Variants in DLGAP2 observed in about 807,000 individuals in gnomAD.
DLGAP2 encodes disks large-associated protein 2.
A neutral mutation model predicts 100.3 loss-of-function variants in DLGAP2; 26 were observed. The ratio of observed to expected loss-of-function variants is 0.26; its 90% CI spans 0.19 to 0.36. The LOEUF (loss-of-function observed/expected upper bound fraction) is 0.36. Ranked by LOEUF, DLGAP2 falls within the 10% of genes least tolerant of loss-of-function variation. The pLI, the probability that DLGAP2 is intolerant of heterozygous loss-of-function variation, is 1.00. For synonymous variants in DLGAP2, 886 were observed against 630.1 expected (o/e 1.41, Z -6.08); for missense variants, 1,858 against 1,453.2 (o/e 1.28, Z -4.53).
chr8:785,411 G>A (rs1293121361), intron 1 of DLGAP2, among the ~76,000 whole-genome samples: 1 of 148,542 alleles, frequency 6.7e-6, no homozygotes, highest in African/African-American at 2.5e-5. Flanking sequence ...CCTCCCCTCA[G>A]GTCTCTCTGA....
At chr8:968,015 C>T (rs1409585452) in intron 2 of DLGAP2, among the ~76,000 whole-genome samples, 1 of 151,202 alleles carries the variant, frequency 6.6e-6, no homozygotes, top group East Asian at 2.0e-4. Context: ...TGCACTCACA[C>T]ACGTGCTCAT....
At chr8:1,273,883 T>C (rs1462202779) in intron 3 of DLGAP2, among the ~76,000 whole-genome samples, 1 of 152,220 alleles carries the variant, frequency 6.6e-6, no homozygotes, top group African/African-American at 2.4e-5. Flanking sequence ...TTATGGACTT[T>C]AATATCTTCA....
chr8:1,488,210 A>AC (rs928086647), intron 3 of DLGAP2, among the ~76,000 whole-genome samples: 11 of 151,444 alleles, frequency 7.3e-5, no homozygotes, highest in Admixed American at 5.9e-4. Context: ...ACAGTCCTCC[A>AC]CCCCCCTGCA....
intron 2 of DLGAP2, among the ~76,000 whole-genome samples, chr8:1,147,995 T>G (rs1338253810): frequency 6.6e-6 from 1 of 152,226 alleles, no homozygotes; most frequent in Non-Finnish European, 1.5e-5. Flanking sequence ...AAGACAAGTT[T>G]GAGAAGTGTT....
At chr8:1,353,345 C>G (rs968724326) in intron 3 of DLGAP2, among the ~76,000 whole-genome samples, 1 of 152,222 alleles carries the variant, frequency 6.6e-6, no homozygotes. Context: ...GAAAGTAATG[C>G]ACATTCATTA....
chr8:1,377,185 T>C (rs1240888977), intron 3 of DLGAP2, among the ~76,000 whole-genome samples: 2 of 151,942 alleles, frequency 1.3e-5, no homozygotes, highest in Non-Finnish European at 2.9e-5. Context: ...TCCAGGTCAG[T>C]GGTGTGCAGC....
intron 1 of DLGAP2, among the ~76,000 whole-genome samples, chr8:801,714 C>G (rs1348745086): frequency 4.6e-5 from 7 of 152,142 alleles, no homozygotes; most frequent in African/African-American, 1.7e-4. Flanking sequence ...TGCCTTCCCA[C>G]TCTCCAGCAA....
chr8:1,298,187 C>T (rs1381984626), intron 3 of DLGAP2, among the ~76,000 whole-genome samples: 7 of 152,202 alleles, frequency 4.6e-5, no homozygotes, highest in Middle Eastern at 3.4e-3. Context: ...ATGTGGCGTG[C>T]ATGAACGGAC....
intron 2 of DLGAP2, among the ~76,000 whole-genome samples, chr8:1,075,251 G>T (rs1296391967): frequency 2.0e-5 from 3 of 152,182 alleles, no homozygotes; most frequent in Non-Finnish European, 4.4e-5. Flanking sequence ...TTTCGAGTTA[G>T]GACCCTCTTG....
rs368917064 is a variant in DLGAP2 at position 1,213,698 on chromosome 8, A to G, written c.74-45153A>G. On this transcript the variant is annotated intron_variant, in intron 2 of 14. Coordinates refer to ENST00000637795, the MANE Select transcript of DLGAP2 (RefSeq NM_001346810.2). The stretch of plus-strand genomic sequence containing the variant: ...TGGTGCAGGAATCACATCTTCTCTA[A>G]TATCCAAGGGCCCTCTCCCATCAGG... 3.3e-5 allele frequency among the ~76,000 whole-genome samples: 5 copies of G among 152,168 alleles called. No homozygotes were observed. In the South Asian group the frequency reaches 1.0e-3, roughly 32 times the overall value.
At chr8:1,067,705 C>G (rs1377471149) in intron 2 of DLGAP2, among the ~76,000 whole-genome samples, 2 of 151,608 alleles carry the variant, frequency 1.3e-5, no homozygotes, top group African/African-American at 4.9e-5. Flanking sequence ...AAAGTGCAGA[C>G]AGTTCCCATA....
chr8:1,323,586 G>A (rs888244501), intron 3 of DLGAP2, among the ~76,000 whole-genome samples: 13 of 152,334 alleles, frequency 8.5e-5, no homozygotes, highest in Admixed American at 8.5e-4. Flanking sequence ...GGGGCAGGCA[G>A]CAGCAGCTCC....
intron 1 of DLGAP2, 36 bp from the exon 2 acceptor site, chr8:907,876 A>T (rs550310509): frequency 5.0e-6 from 2 of 398,810 alleles, no homozygotes; most frequent in South Asian, 1.3e-4. Flanking sequence ...CACGCGAATG[A>T]TAACAAATGT....
At chr8:1,346,155 G>C (rs1369538835) in intron 3 of DLGAP2, among the ~76,000 whole-genome samples, 1 of 152,072 alleles carries the variant, frequency 6.6e-6, no homozygotes, top group African/African-American at 2.4e-5. Context: ...GCACTGCTCT[G>C]ATGGTAACTG....
chr8:1,131,278 G>T (rs1259779448), intron 2 of DLGAP2, among the ~76,000 whole-genome samples: 1 of 152,116 alleles, frequency 6.6e-6, no homozygotes, highest in African/African-American at 2.4e-5. Context: ...TAGTCACCCA[G>T]GCTGCTGTAA....
At chr8:1,223,838 C>T (rs73670680) in intron 2 of DLGAP2, among the ~76,000 whole-genome samples, 2,905 of 152,262 alleles carry the variant, frequency 0.019, 99 homozygotes, top group African/African-American at 0.066. Context: ...CCCATATGCT[C>T]TATATGTGTA....
chr8:1,438,886 C>A (rs562356274), intron 3 of DLGAP2, among the ~76,000 whole-genome samples: 13 of 152,176 alleles, frequency 8.5e-5, no homozygotes, highest in Admixed American at 1.3e-4. Flanking sequence ...TAATATTCAC[C>A]TTCTCCTTCA....
At chr8:773,901 T>G (rs1821438369) in intron 1 of DLGAP2, among the ~76,000 whole-genome samples, 1 of 152,194 alleles carries the variant, frequency 6.6e-6, no homozygotes, top group South Asian at 2.1e-4. Context: ...TTTCTAGTTC[T>G]AGATCCCAGA....
At chr8:1,701,103 G>A in intron 14 of DLGAP2, 85 bp from the exon 15 acceptor site, 5 of 1,307,502 alleles carry the variant, frequency 3.8e-6, no homozygotes, top group South Asian at 1.5e-5. Context: ...GGAAGGGTCA[G>A]GCCAGGCCCC....
Sources: gnomAD v4.1 joint callset for allele counts (sites outside exome capture counted in the v4.1 genomes callset) on GRCh38, gnomAD v4.1.1 for gene constraint, MANE v1.5 for transcripts, NCBI Gene and HGNC (gene_info 2026-07-23, HGNC 2026-07-21) for gene names.